The following PPP2R3B variants were observed in gnomAD, a reference collection of about 807,000 sequenced individuals.
PPP2R3B encodes the protein protein phosphatase 2 regulatory subunit B''beta, also known as serine/threonine-protein phosphatase 2A regulatory subunit B'' subunit beta.
PPP2R3B carries 68 observed loss-of-function variants against 72.9 expected under a neutral mutation model. That is an observed-to-expected ratio of 0.93 (90% confidence interval 0.77 to 1.14). The LOEUF (loss-of-function observed/expected upper bound fraction) is 1.14, where lower values mean the gene tolerates loss of function less well. PPP2R3B is among the 50% of genes most tolerant of loss of function. The pLI, the probability that PPP2R3B is intolerant of heterozygous loss-of-function variation, is 0.00. For synonymous variants in PPP2R3B, 466 were observed against 375.8 expected (o/e 1.24, Z -2.78); for missense variants, 1,018 against 842.0 (o/e 1.21, Z -2.59).
chrX:376,059 C>T (rs1177209281), intron 1 of PPP2R3B, among the ~76,000 whole-genome samples: 4 of 152,134 alleles, frequency 2.6e-5, no homozygotes, highest in Non-Finnish European at 2.9e-5. Flanking sequence ...GGCATGGTGG[C>T]GGGTGCCTGT....
intron 6 of PPP2R3B, 95 bp from the exon 7 acceptor site, chrX:345,767 C>G: frequency 1.5e-5 from 5 of 344,652 alleles, no homozygotes; most frequent in Non-Finnish European, 2.2e-5. Context: ...CTGGGAGGGT[C>G]GGGGCCGCTC....
intron 2 of PPP2R3B, among the ~76,000 whole-genome samples, chrX:351,936 C>G (rs967594322): frequency 2.0e-5 from 3 of 152,150 alleles, no homozygotes; most frequent in African/African-American, 7.2e-5. Flanking sequence ...CGCAAGCCAT[C>G]CTCCCGCCTT....
intron 1 of PPP2R3B, among the ~76,000 whole-genome samples, chrX:377,742 C>T (rs1455751406): frequency 8.6e-5 from 12 of 139,088 alleles, no homozygotes; most frequent in Admixed American, 1.4e-4. Context: ...CCAGTGGGGC[C>T]ACCATGGGGC....
intron 1 of PPP2R3B, among the ~76,000 whole-genome samples, chrX:363,447 T>C (rs2071594350): frequency 6.6e-6 from 1 of 151,572 alleles, no homozygotes. Context: ...ACAATGCATC[T>C]CCCCGAGCCC....
chrX:367,509 T>G (rs1030926470), intron 1 of PPP2R3B, among the ~76,000 whole-genome samples: 2 of 152,106 alleles, frequency 1.3e-5, no homozygotes, highest in African/African-American at 4.8e-5. Context: ...GCGATTCTCC[T>G]GCCTCAGCCT....
intron 11 of PPP2R3B, 22 bp downstream of exon 11, chrX:338,756 C>G: frequency 6.2e-7 from 1 of 1,611,794 alleles, no homozygotes; most frequent in South Asian, 1.1e-5. Flanking sequence ...CGCGGCCCGG[C>G]CCGCGTGCCC....
intron 2 of PPP2R3B, among the ~76,000 whole-genome samples, chrX:354,850 C>CA (rs995088414): frequency 9.9e-5 from 15 of 151,740 alleles, no homozygotes; most frequent in African/African-American, 2.2e-4. Flanking sequence ...GAACCTGTCT[C>CA]AAAAAAAACA....
chrX:341,063 G>C, intron 9 of PPP2R3B, 123 bp from the exon 10 acceptor site: 2 of 1,374,158 alleles, frequency 1.5e-6, no homozygotes, highest in South Asian at 1.3e-5. Flanking sequence ...CCCCCACCGG[G>C]CGTGCAGGCA....
chrX:346,112 G>T, intron 6 of PPP2R3B, 62 bp downstream of exon 6: 2 of 1,215,158 alleles, frequency 1.6e-6, no homozygotes, highest in Non-Finnish European at 2.3e-6. Context: ...GGAAGGGAAG[G>T]GAGTGGAGGT....
chrX:341,544 C>T lies in PPP2R3B; in HGVS notation c.1086-148G>A, dbSNP rs778227590. 115 of 842,878 alleles carry T rather than the reference C, an allele frequency of 1.4e-4. No homozygotes were observed. The African/African-American group carries it at 1.7e-3, about 13-fold the overall frequency. 52.2% of individuals were successfully genotyped at this position (842,878 alleles called of 1,614,324 possible). ...CCTCCTGCCCCTCCTCCTGCCTCTC[C>T]GGGGAGGAGGTGGAGGCCCCGTGGC... On this transcript the variant is annotated intron_variant, in intron 8 of 12. Coordinates refer to ENST00000390665, the MANE Select transcript of PPP2R3B (RefSeq NM_013239.5).
chrX:368,808 C>G (rs866147492), intron 1 of PPP2R3B, among the ~76,000 whole-genome samples: 4 of 68,728 alleles, frequency 5.8e-5, no homozygotes, highest in Non-Finnish European at 1.1e-4. Context: ...CCACCCACCC[C>G]GGGCACTGAC....
chrX:376,428 G>C (rs2071995365), intron 1 of PPP2R3B, among the ~76,000 whole-genome samples: 3 of 146,590 alleles, frequency 2.0e-5, no homozygotes, highest in Admixed American at 1.3e-4. Flanking sequence ...GTCCACACTC[G>C]ACAGAGCCCC....
chrX:372,023 C>T (rs746577055), intron 1 of PPP2R3B, among the ~76,000 whole-genome samples: 5 of 152,262 alleles, frequency 3.3e-5, no homozygotes, highest in African/African-American at 1.2e-4. Flanking sequence ...TCACCACAGC[C>T]CCCCACAGAA....
Position 345,616 on chromosome X carries a change from C to T in PPP2R3B, c.936G>A (p.Ser312=), listed in dbSNP as rs200132435. ...AGTAGATGACGTAGAAATGCTCGTA[C>T]GAGAAGAATTCGGTCAGCTGGTTGA... ...ADINQLTEFF[S]YEHFYVIYCK... Residue 312 remains serine, a synonymous_variant, in exon 7 of 13, where the codon TCG becomes TCA. Coordinates refer to ENST00000390665, the MANE Select transcript of PPP2R3B (RefSeq NM_013239.5). The T allele has an allele frequency of 1.2e-6, 2 of 1,613,202 alleles. No homozygotes were observed. The highest frequency in any genetic ancestry group is 1.7e-6 in the Non-Finnish European group (2 of 1,179,566).
In PPP2R3B at chrX:346,207, G is replaced by A. The variant is rs1420109722; in HGVS notation, c.846C>T (p.Thr282=). 3 of 1,569,496 alleles carry A rather than the reference G, an allele frequency of 1.9e-6. No homozygotes were observed. The highest frequency in any genetic ancestry group is 1.7e-6 in the Non-Finnish European group (2 of 1,159,394). ...AVNRSWSGRI[T]CAELRRSSFL... Reference sequence around the variant, plus strand: ...AGGAGCTCCTCCGCAGCTCGGCGCAGGTGATCCTGCCGGACCAGGACCGGT... The same window carrying A: ...AGGAGCTCCTCCGCAGCTCGGCGCAAGTGATCCTGCCGGACCAGGACCGGT... The change falls in exon 6 of 13, where the codon ACC becomes ACT. Residue 282 remains threonine, a synonymous_variant. Coordinates refer to ENST00000390665, the MANE Select transcript of PPP2R3B (RefSeq NM_013239.5).
intron 1 of PPP2R3B, among the ~76,000 whole-genome samples, chrX:374,931 G>A (rs2071956675): frequency 6.6e-6 from 1 of 152,116 alleles, no homozygotes; most frequent in Non-Finnish European, 1.5e-5. Context: ...GCCCCGATCT[G>A]TTTCCTGTCT....
chrX:344,942 TAAAG>T (rs1365514827), intron 7 of PPP2R3B: 17 of 349,746 alleles, frequency 4.9e-5, no homozygotes, highest in Non-Finnish European at 9.5e-5. Flanking sequence ...AAAGCACACT[TAAAG>T]GAATCCTTTA....
chrX:346,910 G>T (rs1460998578), intron 4 of PPP2R3B, 135 bp from the exon 5 acceptor site: 1 of 853,066 alleles, frequency 1.2e-6, no homozygotes, highest in East Asian at 2.7e-5. Flanking sequence ...TCCCGTGAGG[G>T]ATGAGGCGTA....
intron 2 of PPP2R3B, among the ~76,000 whole-genome samples, chrX:355,274 G>T (rs1175971495): frequency 6.6e-6 from 1 of 152,174 alleles, no homozygotes; most frequent in African/African-American, 2.4e-5. Context: ...ATCAGAAACA[G>T]GAAATGCTTG....
Sources: allele counts gnomAD v4.1 joint callset (sites outside exome capture counted in the v4.1 genomes callset), GRCh38; gene constraint gnomAD v4.1.1; transcripts MANE v1.5; gene names NCBI Gene and HGNC (gene_info 2026-07-23, HGNC 2026-07-21).